DOCK3: variants seen among roughly 807,000 people sequenced by gnomAD.
DOCK3 encodes dedicator of cytokinesis protein 3.
A neutral mutation model predicts 265.6 loss-of-function variants in DOCK3; 60 were observed. The observed-to-expected ratio is 0.23, with a 90% CI of 0.18 to 0.28. DOCK3 has a LOEUF of 0.28. Among genes scored for constraint, DOCK3 ranks in the 10% least tolerant of loss-of-function variants. The probability of loss-of-function intolerance (pLI) is 1.00; values close to 1 mark genes in which losing one functional copy is unlikely to be tolerated. For synonymous variants in DOCK3, 881 were observed against 938.0 expected (o/e 0.94, Z 1.11); for missense variants, 1,981 against 2,594.3 (o/e 0.76, Z 5.14).
chr3:50,680,610 C>G (rs1237828424), intron 1 of DOCK3, among the ~76,000 whole-genome samples: 1 of 148,396 alleles, frequency 6.7e-6, no homozygotes, highest in Non-Finnish European at 1.5e-5. Flanking sequence ...CCTTGAACTC[C>G]TGGGCTCAAG....
At chr3:51,114,082 C>T (rs1220877508) in intron 9 of DOCK3, among the ~76,000 whole-genome samples, 1 of 148,070 alleles carries the variant, frequency 6.8e-6, no homozygotes. Flanking sequence ...GCGTTCAAGT[C>T]TGGGCAACAG....
chr3:50,695,659 A>G lies in DOCK3; in HGVS notation c.37+20359A>G, dbSNP rs532427781. ...CAAATCTGTGGAACTTTGGAATGCG[A>G]GAGAGAACTTTCCACAATCCTCAGC... On this transcript the variant is annotated intron_variant, in intron 1 of 52. Coordinates refer to ENST00000266037, the MANE Select transcript of DOCK3 (RefSeq NM_004947.5). Among the ~76,000 whole-genome samples the G allele has an allele frequency of 3.3e-5, 5 of 152,320 alleles. No homozygotes were observed. The South Asian group carries it at 1.0e-3, about 32-fold the overall frequency.
chr3:50,712,946 A>G (rs2036863821), intron 1 of DOCK3, among the ~76,000 whole-genome samples: 1 of 152,174 alleles, frequency 6.6e-6, no homozygotes, highest in Admixed American at 6.5e-5. Flanking sequence ...TCTTAGGCCT[A>G]AAACAGACAA....
intron 5 of DOCK3, among the ~76,000 whole-genome samples, chr3:51,023,460 C>T (rs2079682469): frequency 6.6e-6 from 1 of 152,076 alleles, no homozygotes; most frequent in Non-Finnish European, 1.5e-5. Context: ...CTCTGTTGTG[C>T]CATGGAGTGC....
At chr3:51,300,137 T>C (rs949911490) in intron 27 of DOCK3, among the ~76,000 whole-genome samples, 1 of 152,156 alleles carries the variant, frequency 6.6e-6, no homozygotes, top group South Asian at 2.1e-4. Flanking sequence ...CTTCCCTTGT[T>C]AGCTGTATGC....
At chr3:51,174,641 T>G (rs190067615) in intron 12 of DOCK3, among the ~76,000 whole-genome samples, 23 of 152,348 alleles carry the variant, frequency 1.5e-4, no homozygotes, top group African/African-American at 5.5e-4. Context: ...TTTAGGGTCA[T>G]TTATTGGAGC....
At chr3:51,310,208 A>G in intron 27 of DOCK3, 24 bp from the exon 28 acceptor site, 1 of 1,569,466 alleles carries the variant, frequency 6.4e-7, no homozygotes, top group South Asian at 1.2e-5. Flanking sequence ...GTGGTGTCTC[A>G]CATCAGCTTT....
chr3:51,061,322 A>G (rs1315595554), intron 5 of DOCK3, among the ~76,000 whole-genome samples: 3 of 152,188 alleles, frequency 2.0e-5, no homozygotes, highest in African/African-American at 7.2e-5. Flanking sequence ...CAAATGTCCA[A>G]CAGTGATAGA....
intron 3 of DOCK3, among the ~76,000 whole-genome samples, chr3:50,871,655 A>C (rs1435218097): frequency 6.6e-6 from 1 of 151,824 alleles, no homozygotes; most frequent in African/African-American, 2.4e-5. Flanking sequence ...CAACTCTCAG[A>C]TTTGCTCTTT....
intron 1 of DOCK3, among the ~76,000 whole-genome samples, chr3:50,738,311 C>G (rs1025226665): frequency 2.6e-5 from 4 of 152,042 alleles, no homozygotes; most frequent in Non-Finnish European, 5.9e-5. Flanking sequence ...ACCAAACTGG[C>G]AATTGGAGCC....
At position 51,332,288 on chromosome 3, in the gene DOCK3, T is replaced by TGTGCGA. The variant is rs1299825431; in HGVS notation, c.3489-713_3489-712insGTGCGA. Among the ~76,000 whole-genome samples the TGTGCGA allele has an allele frequency of 2.6e-5, 4 of 152,186 alleles. No homozygotes were observed. In the East Asian group the frequency reaches 7.7e-4, roughly 29 times the overall value. On this transcript the variant is annotated intron_variant, in intron 33 of 52. Transcript: ENST00000266037. ...CAGAAAGAGTTCAGGTCATTGTCCA[T>TGTGCGA]TAGGAAAGACCTGTGCGATGGCAGA...
At chr3:50,958,347 A>G (rs1260511128) in intron 5 of DOCK3, among the ~76,000 whole-genome samples, 3 of 152,194 alleles carry the variant, frequency 2.0e-5, no homozygotes, top group African/African-American at 7.2e-5. Context: ...ATGATGAGCC[A>G]AATCATTCCA....
intron 7 of DOCK3, among the ~76,000 whole-genome samples, chr3:51,084,193 C>T (rs1041812430): frequency 2.0e-5 from 3 of 152,028 alleles, no homozygotes; most frequent in African/African-American, 7.2e-5. Context: ...CTGAAAACTT[C>T]ACAAGTCTTG....
intron 5 of DOCK3, among the ~76,000 whole-genome samples, chr3:50,993,391 A>G (rs944559347): frequency 1.3e-5 from 2 of 152,208 alleles, no homozygotes; most frequent in South Asian, 4.1e-4. Context: ...CTGAAGTTTT[A>G]TAATATTTTA....
intron 2 of DOCK3, among the ~76,000 whole-genome samples, chr3:50,805,790 T>A (rs1036177102): frequency 1.2e-4 from 18 of 152,158 alleles, no homozygotes; most frequent in Non-Finnish European, 2.2e-4. Context: ...CTTTCCTGGG[T>A]GCATGTCTGC....
intron 7 of DOCK3, among the ~76,000 whole-genome samples, chr3:51,083,558 C>A (rs2082314780): frequency 6.6e-6 from 1 of 152,104 alleles, no homozygotes; most frequent in Non-Finnish European, 1.5e-5. Context: ...AAAAGCAATT[C>A]ATGAGTTGAA....
chr3:50,835,228 C>T (rs2045433811), intron 2 of DOCK3, among the ~76,000 whole-genome samples: 1 of 152,190 alleles, frequency 6.6e-6, no homozygotes, highest in South Asian at 2.1e-4. Context: ...CTCACATTCA[C>T]ATGCCTTTTT....
intron 2 of DOCK3, among the ~76,000 whole-genome samples, chr3:50,790,391 T>C (rs1337559113): frequency 6.6e-6 from 1 of 152,156 alleles, no homozygotes; most frequent in Admixed American, 6.6e-5. Flanking sequence ...CATTTGCTAT[T>C]GTTTTACAGG....
intron 51 of DOCK3, among the ~76,000 whole-genome samples, chr3:51,379,066 G>A (rs2088376933): frequency 6.6e-6 from 1 of 152,134 alleles, no homozygotes; most frequent in Non-Finnish European, 1.5e-5. Context: ...TCTAGACTTT[G>A]GCAAGGAGCT....
Sources: allele counts gnomAD v4.1 joint callset (sites outside exome capture counted in the v4.1 genomes callset), GRCh38; gene constraint gnomAD v4.1.1; transcripts MANE v1.5; gene names NCBI Gene and HGNC (gene_info 2026-07-23, HGNC 2026-07-21).